SERPINI2: variants seen among roughly 807,000 people sequenced by gnomAD.
SERPINI2 encodes the protein serpin family I member 2.
In SERPINI2, 48 loss-of-function variants were observed where a neutral mutation model predicts 47.3. The observed-to-expected ratio is 1.02, with a 90% CI of 0.81 to 1.29. The LOEUF (loss-of-function observed/expected upper bound fraction) is 1.29, where lower values mean the gene tolerates loss of function less well. Among genes scored for constraint, SERPINI2 ranks in the 50% most tolerant of loss-of-function variants. The pLI is 0.00. For missense variants in SERPINI2, 448 were observed against 456.9 expected, an observed-to-expected ratio of 0.98 and a Z score of 0.18; for synonymous variants, 135 against 149.3, an observed-to-expected ratio of 0.90 and a Z score of 0.70.
chr3:167,467,093 G>T (rs1750156399), exon 3 of SERPINI2: 1 of 1,613,094 alleles, frequency 6.2e-7, no homozygotes. Flanking sequence ...TATCATCTCT[G>T]CACAAGCCTT....
At chr3:167,459,268 G>C (rs1337770360) in intron 5 of SERPINI2, among the ~76,000 whole-genome samples, 1 of 151,816 alleles carries the variant, frequency 6.6e-6, no homozygotes, top group East Asian at 1.9e-4. Context: ...TAGAGACGGG[G>C]TTTCACCGTT....
intron 8 of SERPINI2, among the ~76,000 whole-genome samples, chr3:167,445,124 T>C (rs940763264): frequency 1.3e-5 from 2 of 152,150 alleles, no homozygotes; most frequent in Non-Finnish European, 2.9e-5. Flanking sequence ...TCTCATCAAT[T>C]CTAAAACTGT....
At chr3:167,449,086 A>C (rs1465857838) in intron 7 of SERPINI2, among the ~76,000 whole-genome samples, 2 of 152,244 alleles carry the variant, frequency 1.3e-5, no homozygotes, top group African/African-American at 4.8e-5. Context: ...AGCAAATATC[A>C]GTAGATAGGT....
At chr3:167,471,523 T>A in intron 2 of SERPINI2, 65 bp downstream of exon 2, 1 of 1,434,882 alleles carries the variant, frequency 7.0e-7, no homozygotes, top group Non-Finnish European at 9.3e-7. Context: ...CCTGAACTTC[T>A]AATATTAAAA....
intron 7 of SERPINI2, 82 bp downstream of exon 7, chr3:167,449,234 A>C (rs1256708980): frequency 5.3e-6 from 5 of 942,184 alleles, no homozygotes; most frequent in Non-Finnish European, 8.7e-6. Context: ...AGAAGAGTAC[A>C]ATACTTCAAA....
In SERPINI2 at chr3:167,453,041, T is replaced by TAAA; in HGVS notation, c.867-11_867-9dup. 2 of 1,348,642 alleles carry TAAA rather than the reference T, an allele frequency of 1.5e-6. No homozygotes were observed. The highest frequency in any genetic ancestry group is 2.0e-6 in the Non-Finnish European group (2 of 991,570). The allele number at this position is 1,348,642 out of a possible 1,614,324, so 83.5% of individuals were successfully genotyped here. ...TTTTGTTCTACTTTAAATCTGTTAT[T>TAAA]AAAAAAAAAAGAAAAAGAAAAGTCT... On this transcript the variant is annotated splice_polypyrimidine_tract_variant and intron_variant, in intron 5 of 8. Coordinates refer to ENST00000264677, the Ensembl canonical transcript of SERPINI2.
chr3:167,475,630 G>A (rs866066356), upstream of SERPINI2, among the ~76,000 whole-genome samples: 11 of 150,202 alleles, frequency 7.3e-5, no homozygotes, highest in African/African-American at 2.4e-4. Context: ...AGACAATGAC[G>A]ACAATACAAT....
chr3:167,467,364 T>A, intron 2 of SERPINI2, 79 bp from the exon 3 acceptor site: 1 of 966,854 alleles, frequency 1.0e-6, no homozygotes, highest in Non-Finnish European at 1.5e-6. Flanking sequence ...ATCTAAGTAC[T>A]CTGATTCATA....
chr3:167,450,634 A>C (rs780815573), intron 6 of SERPINI2, among the ~76,000 whole-genome samples: 1 of 152,040 alleles, frequency 6.6e-6, no homozygotes, highest in African/African-American at 2.4e-5. Context: ...CATCCACACT[A>C]TTAGTGTGAA....
chr3:167,462,314 CAAAT>C (rs1750005023), intron 5 of SERPINI2, among the ~76,000 whole-genome samples: 1 of 152,124 alleles, frequency 6.6e-6, no homozygotes, highest in South Asian at 2.1e-4. Flanking sequence ...TCTTAAATAA[CAAAT>C]AGATTGTCTC....
At chr3:167,447,510 C>A (rs1042973030) in intron 7 of SERPINI2, among the ~76,000 whole-genome samples, 5 of 152,126 alleles carry the variant, frequency 3.3e-5, no homozygotes, top group African/African-American at 1.2e-4. Flanking sequence ...TCTACCTTCT[C>A]TTAATGATTG....
At chr3:167,451,128 T>C (rs776836843) in intron 6 of SERPINI2, among the ~76,000 whole-genome samples, 1 of 152,230 alleles carries the variant, frequency 6.6e-6, no homozygotes, top group Non-Finnish European at 1.5e-5. Flanking sequence ...TATTTAACTA[T>C]GTGCCAAATG....
At chr3:167,468,162 T>C (rs1313584933) in intron 2 of SERPINI2, among the ~76,000 whole-genome samples, 1 of 152,182 alleles carries the variant, frequency 6.6e-6, no homozygotes, top group Non-Finnish European at 1.5e-5. Context: ...AAATAGGTTC[T>C]TTCTGGGCCT....
upstream of SERPINI2, among the ~76,000 whole-genome samples, chr3:167,476,747 G>A (rs1032835678): frequency 6.6e-6 from 1 of 151,972 alleles, no homozygotes; most frequent in East Asian, 1.9e-4. Context: ...ACTTCAGAAC[G>A]CTGAGGGTAG....
intron 8 of SERPINI2, 105 bp downstream of exon 8, chr3:167,446,287 C>T: frequency 1.5e-6 from 1 of 685,038 alleles, no homozygotes; most frequent in Non-Finnish European, 2.4e-6. Context: ...TAACAAATAT[C>T]CACTGAAAGA....
intron 8 of SERPINI2, among the ~76,000 whole-genome samples, chr3:167,444,865 T>C (rs564633726): frequency 6.6e-6 from 1 of 152,304 alleles, no homozygotes; most frequent in African/African-American, 2.4e-5. Context: ...TACTTGGCCT[T>C]TGCATATAAC....
intron 5 of SERPINI2, among the ~76,000 whole-genome samples, chr3:167,461,093 C>T (rs1163800886): frequency 6.6e-6 from 1 of 152,050 alleles, no homozygotes; most frequent in Non-Finnish European, 1.5e-5. Flanking sequence ...GCAATAACTT[C>T]AAGGGAAACC....
intron 3 of SERPINI2, among the ~76,000 whole-genome samples, chr3:167,466,535 T>C (rs1267088038): frequency 1.3e-5 from 2 of 152,218 alleles, no homozygotes; most frequent in African/African-American, 4.8e-5. Context: ...TTATATGAAT[T>C]TGAATTTACT....
At chr3:167,471,508 T>G in intron 2 of SERPINI2, 80 bp downstream of exon 2, 1 of 1,352,558 alleles carries the variant, frequency 7.4e-7, no homozygotes, top group Non-Finnish European at 9.9e-7. Context: ...TTAAAATTTC[T>G]TTATCCTGAA....
Sources: allele counts gnomAD v4.1 joint callset (sites outside exome capture counted in the v4.1 genomes callset), GRCh38; gene constraint gnomAD v4.1.1; transcripts MANE v1.5; gene names NCBI Gene and HGNC (gene_info 2026-07-23, HGNC 2026-07-21).